Variants in JAKMIP2 observed in about 807,000 individuals in gnomAD.
JAKMIP2 encodes janus kinase and microtubule interacting protein 2, also known as janus kinase and microtubule-interacting protein 2.
In JAKMIP2, 25 loss-of-function variants were observed where a neutral mutation model predicts 115.0. The observed-to-expected ratio is 0.22, with a 90% confidence interval of 0.16 to 0.30. JAKMIP2 has a LOEUF of 0.30. Among genes scored for constraint, JAKMIP2 ranks in the 10% least tolerant of loss-of-function variants. JAKMIP2 has a pLI of 1.00. For synonymous variants in JAKMIP2, 334 were observed against 343.6 expected (o/e 0.97, Z 0.31); for missense variants, 642 against 957.6 (o/e 0.67, Z 4.35).
intron 3 of JAKMIP2, among the ~76,000 whole-genome samples, chr5:147,653,443 G>A (rs1388945627): frequency 2.6e-5 from 4 of 151,846 alleles, no homozygotes; most frequent in African/African-American, 9.7e-5. Context: ...GTTTTGATTT[G>A]CATTTCTCAA....
chr5:147,690,062 A>T (rs1189106874), intron 1 of JAKMIP2, among the ~76,000 whole-genome samples: 1 of 152,162 alleles, frequency 6.6e-6, no homozygotes, highest in Non-Finnish European at 1.5e-5. Flanking sequence ...AAAGGGGAAC[A>T]GCTTGGGCTG....
rs185391350 is a variant in JAKMIP2, at chr5:147,742,138, A to T, written c.-149+40318T>A. ...TTGTTCCGCATTAGCCCTGTGGATC[A>T]TTATATATATATATATATTTTTTTT... On this transcript the variant is annotated intron_variant, in intron 1 of 21. Coordinates refer to ENST00000616793, the MANE Select transcript of JAKMIP2 (RefSeq NM_001270941.2). Among the ~76,000 whole-genome samples the T allele has an allele frequency of 3.0e-3, 302 of 102,362 alleles. 12 individuals carry two copies. Among genetic ancestry groups the T allele is most frequent in the African/African-American group, 0.014 (282 of 20,690 alleles). 67.2% of individuals were successfully genotyped at this position (102,362 alleles called of 152,430 possible).
At chr5:147,616,230 G>A (rs1756573851) in intron 19 of JAKMIP2, among the ~76,000 whole-genome samples, 1 of 152,134 alleles carries the variant, frequency 6.6e-6, no homozygotes, top group Non-Finnish European at 1.5e-5. Flanking sequence ...AAAAATCCTG[G>A]CCAATATCTT....
intron 3 of JAKMIP2, chr5:147,660,643 T>A (rs781512004): frequency 2.7e-6 from 1 of 375,474 alleles, no homozygotes; most frequent in Non-Finnish European, 5.0e-6. Context: ...AAAACAGGAG[T>A]CCTTTCCATA....
At chr5:147,676,235 C>G (rs1759951907) in intron 1 of JAKMIP2, among the ~76,000 whole-genome samples, 1 of 152,180 alleles carries the variant, frequency 6.6e-6, no homozygotes, top group Non-Finnish European at 1.5e-5. Flanking sequence ...GCTGGGGAGG[C>G]TGAGGCAGGA....
intron 19 of JAKMIP2, among the ~76,000 whole-genome samples, chr5:147,612,834 C>T (rs1756397690): frequency 6.6e-6 from 1 of 152,182 alleles, no homozygotes; most frequent in Admixed American, 6.5e-5. Context: ...TTGTTTGTTA[C>T]CACATTAAAG....
At chr5:147,610,714 C>G (rs1360251982) in intron 20 of JAKMIP2, among the ~76,000 whole-genome samples, 1 of 152,200 alleles carries the variant, frequency 6.6e-6, no homozygotes, top group Admixed American at 6.5e-5. Flanking sequence ...GAGCGCTATG[C>G]TGGGAGATCC....
At chr5:147,692,618 G>C (rs945593184) in intron 1 of JAKMIP2, among the ~76,000 whole-genome samples, 1 of 152,146 alleles carries the variant, frequency 6.6e-6, no homozygotes, top group African/African-American at 2.4e-5. Context: ...GAGGGTGTTT[G>C]CTCATATGAC....
intron 21 of JAKMIP2, among the ~76,000 whole-genome samples, chr5:147,592,966 G>A (rs1202599455): frequency 6.6e-6 from 1 of 152,190 alleles, no homozygotes; most frequent in African/African-American, 2.4e-5. Context: ...TGGGAAGGAA[G>A]TACAGTGGTC....
At chr5:147,763,032 C>T (rs940321996) in intron 1 of JAKMIP2, among the ~76,000 whole-genome samples, 11 of 151,988 alleles carry the variant, frequency 7.2e-5, no homozygotes, top group East Asian at 1.9e-4. Context: ...TTCTCTAACC[C>T]GGAGCTAAAT....
chr5:147,722,742 C>T (rs978242578), intron 1 of JAKMIP2, among the ~76,000 whole-genome samples: 4 of 152,038 alleles, frequency 2.6e-5, no homozygotes, highest in Admixed American at 2.0e-4. Context: ...GTGTTTTGTT[C>T]GATGAAACAA....
At chr5:147,760,124 G>C (rs551550328) in intron 1 of JAKMIP2, among the ~76,000 whole-genome samples, 1 of 152,188 alleles carries the variant, frequency 6.6e-6, no homozygotes, top group Admixed American at 6.6e-5. Flanking sequence ...TTTGTGCTGG[G>C]GTGGAGCATG....
chr5:147,644,815 G>A (rs990946217), intron 6 of JAKMIP2, 35 bp downstream of exon 6: 23 of 1,576,258 alleles, frequency 1.5e-5, no homozygotes, highest in Non-Finnish European at 2.0e-5. Context: ...ATATAATCAA[G>A]GAAGCTGCAG....
intron 6 of JAKMIP2, among the ~76,000 whole-genome samples, chr5:147,644,573 T>C (rs948430759): frequency 6.6e-6 from 1 of 152,208 alleles, no homozygotes; most frequent in African/African-American, 2.4e-5. Context: ...ATGGTTTCTG[T>C]GGCTAAGTTA....
At chr5:147,631,139 G>A (rs1246268796) in intron 14 of JAKMIP2, among the ~76,000 whole-genome samples, 3 of 152,116 alleles carry the variant, frequency 2.0e-5, no homozygotes, top group Admixed American at 6.6e-5. Flanking sequence ...GGTAATTAAG[G>A]CTAATTTTGA....
chr5:147,685,474 C>T (rs7726900), intron 1 of JAKMIP2, among the ~76,000 whole-genome samples: 1 of 151,954 alleles, frequency 6.6e-6, no homozygotes, highest in Admixed American at 6.6e-5. Flanking sequence ...ATAGATTGTG[C>T]AAAATTGTAG....
intron 1 of JAKMIP2, among the ~76,000 whole-genome samples, chr5:147,744,689 T>G (rs914177831): frequency 6.6e-6 from 1 of 152,118 alleles, no homozygotes; most frequent in Admixed American, 6.6e-5. Flanking sequence ...ATATAAACAT[T>G]TAAAATGGGT....
At chr5:147,714,402 T>C (rs1429384168) in intron 1 of JAKMIP2, among the ~76,000 whole-genome samples, 1 of 151,994 alleles carries the variant, frequency 6.6e-6, no homozygotes, top group Non-Finnish European at 1.5e-5. Flanking sequence ...AATCAGGGAA[T>C]GAAAAACAGG....
Position 147,689,205 on chromosome 5 carries a change from C to T in JAKMIP2, c.-148-17251G>A, listed in dbSNP as rs141371317. On this transcript the variant is annotated intron_variant, in intron 1 of 21. Transcript: ENST00000616793. ...CGGGGAGGCTGGAGGAATGAGTGAGCTAGGACAGCAGCCAAAGAGAGGGCA... is the reference window on the plus strand; with the variant it reads ...CGGGGAGGCTGGAGGAATGAGTGAGTTAGGACAGCAGCCAAAGAGAGGGCA... Among the ~76,000 whole-genome samples, 1,186 of 152,194 alleles carry T rather than the reference C, an allele frequency of 7.8e-3. 5 individuals carry two copies. The highest frequency in any genetic ancestry group is 0.013 in the Non-Finnish European group (857 of 68,012).
Sources: allele counts gnomAD v4.1 joint callset (sites outside exome capture counted in the v4.1 genomes callset), GRCh38; gene constraint gnomAD v4.1.1; transcripts MANE v1.5; gene names NCBI Gene and HGNC (gene_info 2026-07-23, HGNC 2026-07-21).